SV2B: variants seen among roughly 807,000 people sequenced by gnomAD.
SV2B encodes the protein synaptic vesicle glycoprotein 2B.
In SV2B, 41 loss-of-function variants were observed where a neutral mutation model predicts 73.9. The ratio of observed to expected loss-of-function variants is 0.56; its 90% CI spans 0.43 to 0.72. SV2B has a LOEUF of 0.72. Among genes scored for constraint, SV2B ranks in the 30% least tolerant of loss-of-function variants. SV2B has a pLI of 0.00. For missense variants in SV2B, 764 were observed against 857.8 expected, an observed-to-expected ratio of 0.89 and a Z score of 1.37; for synonymous variants, 314 against 314.2, an observed-to-expected ratio of 1.00 and a Z score of 0.01.
In SV2B at chr15:91,267,024, AAAAT is replaced by A; in HGVS notation, c.1119+337_1119+340del. ...TAATCACATGGAGGAAGAAGTGAGT[AAAAT>A]AAATGACCCCTTGAGGCTTGTTCTT... On this transcript the variant is annotated intron_variant, in intron 7 of 12. Coordinates refer to ENST00000394232, the MANE Select transcript of SV2B (RefSeq NM_001323032.3). The surrounding 1 kb of genome is among the most constrained non-coding windows in gnomAD (Gnocchi z 4.3). 4.9e-6 allele frequency: 1 copy of A among 204,180 alleles called. No homozygotes were observed. The highest frequency in any genetic ancestry group is 9.8e-6 in the Non-Finnish European group (1 of 102,480). The allele number at this position is 204,180 out of a possible 1,614,324, so 12.6% of individuals were successfully genotyped here. A position where few individuals can be genotyped will look rare whatever the true frequency, so the allele number is the denominator to read the frequency against.
intron 2 of SV2B, among the ~76,000 whole-genome samples, chr15:91,248,254 G>A (rs2141597354): frequency 6.6e-6 from 1 of 152,244 alleles, no homozygotes; most frequent in Middle Eastern, 3.4e-3. Context: ...CCGGGAGGCG[G>A]AGCTTGCAGT....
intron 1 of SV2B, among the ~76,000 whole-genome samples, chr15:91,120,987 C>T (rs566905733): frequency 6.6e-6 from 1 of 152,154 alleles, no homozygotes. Flanking sequence ...CTTTCTGATT[C>T]TGAAGCCTGA....
At chr15:91,264,553 C>CT (rs2048036046) in intron 6 of SV2B, among the ~76,000 whole-genome samples, 1 of 152,136 alleles carries the variant, frequency 6.6e-6, no homozygotes, top group South Asian at 2.1e-4. Context: ...ATTGGCTGAG[C>CT]TTGTTTCATT....
chr15:91,251,748 T>C (rs1345936379), intron 2 of SV2B, 71 bp from the exon 3 acceptor site: 11 of 1,436,506 alleles, frequency 7.7e-6, no homozygotes, highest in Non-Finnish European at 1.0e-5. Flanking sequence ...ACATTGTATT[T>C]TGTAAACATT....
intron 1 of SV2B, among the ~76,000 whole-genome samples, chr15:91,160,468 C>T (rs774478264): frequency 2.0e-5 from 3 of 152,048 alleles, no homozygotes; most frequent in Non-Finnish European, 2.9e-5. Flanking sequence ...ATTAGCTGAG[C>T]GTGGTGGTGC....
Position 91,226,559 on chromosome 15 carries a change from T to C in SV2B, c.296T>C (p.Met99Thr). ...EQLAHQYETI[M>T]DECGHGRFQW... ...TTGGCCCACCAGTACGAGACCATCA[T>C]GGATGAGTGTGGCCATGGCCGCTTC... The change falls in exon 2 of 13, where the codon ATG becomes ACG. Residue 99 changes from methionine to threonine, a missense_variant. Met to Thr is a moderately conservative substitution (Grantham distance 81). Transcript: ENST00000394232. The C allele has an allele frequency of 6.2e-7, 1 of 1,614,214 alleles. No homozygotes were observed. Among genetic ancestry groups the C allele is most frequent in the Non-Finnish European group, 8.5e-7 (1 of 1,180,034 alleles).
At chr15:91,184,600 T>G (rs2044704506) in intron 1 of SV2B, among the ~76,000 whole-genome samples, 1 of 152,190 alleles carries the variant, frequency 6.6e-6, no homozygotes, top group Admixed American at 6.5e-5. Flanking sequence ...CCCAATTTCT[T>G]TCTTCTTTAG....
At chr15:91,213,250 C>A (rs1401199624) in intron 1 of SV2B, among the ~76,000 whole-genome samples, 1 of 152,082 alleles carries the variant, frequency 6.6e-6, no homozygotes, top group African/African-American at 2.4e-5. Flanking sequence ...CCAATAGGAC[C>A]AATAGACTCA....
chr15:91,275,599 C>T (rs970124604), intron 9 of SV2B, among the ~76,000 whole-genome samples: 23 of 152,090 alleles, frequency 1.5e-4, no homozygotes, highest in African/African-American at 4.8e-4. Context: ...CCAAGGTGGG[C>T]GGAATGCCTG....
At chr15:91,187,660 G>GTT (rs66704426) in intron 1 of SV2B, among the ~76,000 whole-genome samples, 1 of 146,486 alleles carries the variant, frequency 6.8e-6, no homozygotes, top group African/African-American at 2.5e-5. Context: ...TTTATGTTTT[G>GTT]TTTTTTTTTT....
chr15:91,284,133 C>T lies in SV2B; in HGVS notation c.1620C>T (p.Leu540=), dbSNP rs149240958. ...AAGATAATGACTTCCTGATTTACCT[C>T]GTCAGCTTCCTGGGCAGCCTGTCTG... The part of the protein sequence containing the change: ...LEQDNDFLIY[L]VSFLGSLSVL... The change falls in exon 11 of 13, where the codon CTC becomes CTT. Residue 540 remains leucine (L), a synonymous_variant. Transcript: ENST00000394232. The surrounding 1 kb of genome is among the most constrained non-coding windows in gnomAD (Gnocchi z 4.5). 33 of 1,614,056 alleles carry T rather than the reference C, an allele frequency of 2.0e-5. No individual in the cohort carries two copies. The highest frequency in any genetic ancestry group is 2.7e-5 in the African/African-American group (2 of 74,908).
Position 91,298,527 on chromosome 15 carries a change from G to A in SV2B, c.*5975G>A, listed in dbSNP as rs1485573241. 6.6e-6 allele frequency: 1 copy of A among 152,148 alleles called. No individual in the cohort carries two copies. The highest frequency in any genetic ancestry group is 1.5e-5 in the Non-Finnish European group (1 of 68,030). The allele number at this position is 152,148 out of a possible 1,614,324, so 9.4% of individuals were successfully genotyped here. On this transcript the variant is annotated 3_prime_UTR_variant, in exon 13 of 13. Transcript: ENST00000394232. The surrounding 1 kb of genome is among the most constrained non-coding windows in gnomAD (Gnocchi z 5.4). Reference sequence around the variant, plus strand: ...AGCTATCTCACAAATGTTAAATGGAGAAATAAAAGTTGTTATAGTCATTGC... The same window carrying A: ...AGCTATCTCACAAATGTTAAATGGAAAAATAAAAGTTGTTATAGTCATTGC...
chr15:91,184,656 T>C (rs1168339685), intron 1 of SV2B, among the ~76,000 whole-genome samples: 3 of 152,258 alleles, frequency 2.0e-5, no homozygotes, highest in South Asian at 2.1e-4. Context: ...CTTTGTGATC[T>C]TGAAAAATGC....
rs1487106107 is a variant in SV2B, at chr15:91,211,186, A to G, written c.-391-14687A>G. ...AGGCGGGGGCTGATGGTGTCAGGGA[A>G]CTGAGGTGAGAGCTGTGCTAAGGCA... is the stretch of plus-strand genomic sequence containing the variant. On this transcript the variant is annotated intron_variant, in intron 1 of 12. Coordinates refer to ENST00000394232, the MANE Select transcript of SV2B (RefSeq NM_001323032.3). Among the ~76,000 whole-genome samples, 4 of 152,212 alleles carry G rather than the reference A, an allele frequency of 2.6e-5. No individual in the cohort carries two copies. In the East Asian group the frequency reaches 7.7e-4, roughly 29 times the overall value.
In SV2B at chr15:91,236,035, G is replaced by T. The variant is rs1313773841; in HGVS notation, c.451+9321G>T. Among the ~76,000 whole-genome samples, 1 of 152,188 alleles carries T rather than the reference G, an allele frequency of 6.6e-6. No homozygotes were observed. Among genetic ancestry groups the T allele is most frequent in the African/African-American group, 2.4e-5 (1 of 41,458 alleles). ...AGGATCTGCACACAGTAGGTGCTTA[G>T]TCAGTACTCATCCTGCTCCCCTGAT... is the stretch of plus-strand genomic sequence containing the variant. On this transcript the variant is annotated intron_variant, in intron 2 of 12. Transcript: ENST00000394232. This position sits in a 1 kb window ranked among gnomAD's most constrained non-coding sequence, Gnocchi z 4.1.
intron 1 of SV2B, among the ~76,000 whole-genome samples, chr15:91,113,222 C>T (rs2042085146): frequency 6.6e-6 from 1 of 152,214 alleles, no homozygotes; most frequent in African/African-American, 2.4e-5. Context: ...ACATAGACTA[C>T]ATCTCCAGGC....
chr15:91,301,821 G>A lies in SV2B; in HGVS notation c.*9269G>A, dbSNP rs752174268. Among the ~76,000 whole-genome samples the A allele has an allele frequency of 6.6e-6, 1 of 152,222 alleles. No homozygotes were observed. Among genetic ancestry groups the A allele is most frequent in the Non-Finnish European group, 1.5e-5 (1 of 68,052 alleles). ...TTTGATATCTAAAATACTCCAGTGA[G>A]CTTTTCCTTGGAGTACACGTTGGCG... On this transcript the variant is annotated 3_prime_UTR_variant, in exon 13 of 13. Coordinates refer to ENST00000394232, the MANE Select transcript of SV2B (RefSeq NM_001323032.3). The surrounding 1 kb of genome is among the most constrained non-coding windows in gnomAD (Gnocchi z 4.3).
At chr15:91,271,608 AC>A (rs2048319378) in intron 9 of SV2B, among the ~76,000 whole-genome samples, 1 of 152,190 alleles carries the variant, frequency 6.6e-6, no homozygotes, top group African/African-American at 2.4e-5. Context: ...ACCTATACCC[AC>A]TATTATTTGA....
chr15:91,162,057 T>C (rs2043738786), intron 1 of SV2B, among the ~76,000 whole-genome samples: 1 of 152,224 alleles, frequency 6.6e-6, no homozygotes, highest in Non-Finnish European at 1.5e-5. Flanking sequence ...ATTTAAACAA[T>C]GAATTACCTT....
Sources: allele counts gnomAD v4.1 joint callset (sites outside exome capture counted in the v4.1 genomes callset), GRCh38; gene constraint gnomAD v4.1.1; non-coding constraint Gnocchi (gnomAD v3.1); transcripts MANE v1.5; gene names NCBI Gene and HGNC (gene_info 2026-07-23, HGNC 2026-07-21).